Variants in CD8B2 observed in about 807,000 individuals in gnomAD.
CD8B2 encodes T-cell surface glycoprotein CD8 beta-2 chain.
CD8B2 carries 11 observed loss-of-function variants against 23.7 expected under a neutral mutation model. The observed-to-expected ratio is 0.46, with a 90% CI of 0.29 to 0.77. CD8B2 has a LOEUF of 0.77. Among genes scored for constraint, CD8B2 ranks in the 30% least tolerant of loss-of-function variants. The probability of loss-of-function intolerance (pLI) is 0.09; values close to 1 mark genes in which losing one functional copy is unlikely to be tolerated. For synonymous variants in CD8B2, 90 were observed against 109.3 expected, an observed-to-expected ratio of 0.82 and a Z score of 1.10; for missense variants, 197 against 270.5, an observed-to-expected ratio of 0.73 and a Z score of 1.91.
chr2:106,499,182 G>A (rs192385804), intron 3 of CD8B2, among the ~76,000 whole-genome samples: 7 of 152,112 alleles, frequency 4.6e-5, no homozygotes, highest in Non-Finnish European at 8.8e-5. Context: ...CCTCAGGAAG[G>A]AGCCCTGCCG....
intron 2 of CD8B2, among the ~76,000 whole-genome samples, chr2:106,492,801 C>T (rs1302316723): frequency 8.5e-5 from 13 of 152,344 alleles, no homozygotes; most frequent in African/African-American, 3.1e-4. Flanking sequence ...CCCGCCACCT[C>T]TTGCTAGCCT....
intron 5 of CD8B2, among the ~76,000 whole-genome samples, chr2:106,526,497 T>C (rs1244416439): frequency 6.6e-6 from 1 of 152,212 alleles, no homozygotes; most frequent in Non-Finnish European, 1.5e-5. Context: ...AGACATTTCA[T>C]GTAAATGTAG....
intron 2 of CD8B2, among the ~76,000 whole-genome samples, chr2:106,495,226 A>G (rs1156627618): frequency 6.6e-6 from 1 of 152,316 alleles, no homozygotes; most frequent in African/African-American, 2.4e-5. Flanking sequence ...CAAGTCATAC[A>G]GCGGTTAATC....
At chr2:106,504,207 G>A in intron 4 of CD8B2, 82 bp from the exon 5 acceptor site, 1 of 1,545,376 alleles carries the variant, frequency 6.5e-7, no homozygotes. Flanking sequence ...AGCTGCCCCT[G>A]TGACAATCCT....
At chr2:106,512,609 A>AT (rs1259920478), downstream of CD8B2, among the ~76,000 whole-genome samples, 23 of 150,710 alleles carry the variant, frequency 1.5e-4, no homozygotes, top group East Asian at 4.0e-4. Flanking sequence ...TGCCCAGCTA[A>AT]TTTTTTTTTA....
chr2:106,501,121 C>T lies in CD8B2; in HGVS notation c.494-1353C>T, dbSNP rs1170758947. ...GCAAAGTCTGGGGTTTAGTAGTTCC[C>T]GTTCTCAGTATTTACCTCAGGAAGG... On this transcript the variant is annotated intron_variant, in intron 3 of 5. Transcript: ENST00000643224. Among the ~76,000 whole-genome samples the T allele has an allele frequency of 7.9e-5, 12 of 152,222 alleles. No individual in the cohort carries two copies. In the East Asian group the frequency reaches 1.4e-3, roughly 17 times the overall value.
At chr2:106,537,820 A>C (rs1226499411) in intron 5 of CD8B2, among the ~76,000 whole-genome samples, 2 of 152,232 alleles carry the variant, frequency 1.3e-5, no homozygotes, top group Non-Finnish European at 2.9e-5. Context: ...AGCACGAAGG[A>C]AAAACAAACA....
At chr2:106,487,493 C>A in intron 1 of CD8B2, 24 bp downstream of exon 1, 2 of 1,227,786 alleles carry the variant, frequency 1.6e-6, no homozygotes, top group Non-Finnish European at 1.0e-6. Context: ...GCGCGGGCTG[C>A]CCAAGGTCTG....
intron 5 of CD8B2, among the ~76,000 whole-genome samples, chr2:106,532,823 C>T (rs1018798846): frequency 6.6e-6 from 1 of 152,138 alleles, no homozygotes; most frequent in Non-Finnish European, 1.5e-5. Context: ...ATCTGTTTTA[C>T]CAGCAAGATC....
At position 106,507,176 on chromosome 2, in the gene CD8B2, A is replaced by T. The variant is rs1229005146; in HGVS notation, c.*236A>T. On this transcript the variant is annotated 3_prime_UTR_variant, in exon 6 of 6. Coordinates refer to ENST00000643224, the MANE Select transcript of CD8B2 (RefSeq NM_001349727.2). ...TCATTGCCCCCAGGGCACTTCACAG[A>T]GTGTGCTGGAGGACTGAGTAAGAAA... 4 of 1,339,352 alleles carry T rather than the reference A, an allele frequency of 3.0e-6. No individual in the cohort carries two copies. The highest frequency in any genetic ancestry group is 3.8e-6 in the Non-Finnish European group (4 of 1,040,894). 83.0% of individuals were successfully genotyped at this position (1,339,352 alleles called of 1,614,324 possible).
chr2:106,517,750 T>G (rs1180086913), intron 5 of CD8B2, among the ~76,000 whole-genome samples: 1 of 152,064 alleles, frequency 6.6e-6, no homozygotes, highest in Non-Finnish European at 1.5e-5. Context: ...TGTCGCTCCG[T>G]CGCCCAGGCT....
intron 5 of CD8B2, among the ~76,000 whole-genome samples, chr2:106,541,663 G>A (rs79254797): frequency 0.1 from 15,677 of 152,184 alleles, 879 homozygotes; most frequent in Middle Eastern, 0.17. Context: ...GACCATACAA[G>A]GTGGGAGTGC....
chr2:106,520,436 G>A (rs1679806348), intron 5 of CD8B2, among the ~76,000 whole-genome samples: 1 of 152,148 alleles, frequency 6.6e-6, no homozygotes, highest in African/African-American at 2.4e-5. Flanking sequence ...GAGACACTGG[G>A]GGTAGGTGGT....
chr2:106,491,251 T>G lies in CD8B2; in HGVS notation c.403+18T>G. Reference sequence around the variant, plus strand: ...GAGTGTGGGTAAAAAGCAGGCTCAATGCTATCAGTGAGCACCGACTGTGTG... The same window carrying G: ...GAGTGTGGGTAAAAAGCAGGCTCAAGGCTATCAGTGAGCACCGACTGTGTG... On this transcript the variant is annotated intron_variant, in intron 2 of 5. Transcript: ENST00000643224. The G allele has an allele frequency of 6.9e-7, 1 of 1,443,604 alleles. No homozygotes were observed. The highest frequency in any genetic ancestry group is 9.6e-7 in the Non-Finnish European group (1 of 1,040,662). 89.4% of individuals were successfully genotyped at this position (1,443,604 alleles called of 1,614,324 possible). A position where few individuals can be genotyped will look rare whatever the true frequency, so the allele number is the denominator to read the frequency against.
chr2:106,493,030 G>A (rs1482281391), intron 2 of CD8B2, among the ~76,000 whole-genome samples: 1 of 152,006 alleles, frequency 6.6e-6, no homozygotes, highest in Non-Finnish European at 1.5e-5. Context: ...CCTTCCCACC[G>A]CCTCCATCCC....
intron 2 of CD8B2, 47 bp from the exon 3 acceptor site, chr2:106,496,126 C>A: frequency 6.5e-7 from 1 of 1,548,790 alleles, no homozygotes; most frequent in Non-Finnish European, 8.7e-7. Flanking sequence ...TTTGAGTCCA[C>A]GTGGTGTTCA....
chr2:106,516,884 A>G (rs1238515208), intron 5 of CD8B2, among the ~76,000 whole-genome samples: 2 of 149,466 alleles, frequency 1.3e-5, no homozygotes, highest in East Asian at 1.9e-4. Context: ...ATTTATTAAT[A>G]TGCATTATTC....
intron 5 of CD8B2, among the ~76,000 whole-genome samples, chr2:106,524,643 C>T (rs1309097617): frequency 6.6e-6 from 1 of 152,184 alleles, no homozygotes; most frequent in African/African-American, 2.4e-5. Flanking sequence ...CATTATGGGT[C>T]TTAAACTAAA....
Position 106,528,660 on chromosome 2 carries a change from C to T in CD8B2, c.621-15332C>T, listed in dbSNP as rs556801386. ...AGAATAGCTCATGAATAATTAAAGT[C>T]TCTGTATTTTATTTTCTTTAGCTGT... On this transcript the variant is annotated intron_variant, in intron 5 of 5. Coordinates refer to the CD8B2 transcript ENST00000416057. Among the ~76,000 whole-genome samples, 75 of 152,284 alleles carry T rather than the reference C, an allele frequency of 4.9e-4. 1 individual carries two copies. Among genetic ancestry groups the T allele is most frequent in the Non-Finnish European group, 9.3e-4 (63 of 68,014 alleles).
Sources: allele counts gnomAD v4.1 joint callset (sites outside exome capture counted in the v4.1 genomes callset), GRCh38; gene constraint gnomAD v4.1.1; transcripts MANE v1.5; gene names NCBI Gene and HGNC (gene_info 2026-07-23, HGNC 2026-07-21).